The following ADISSP variants were observed in gnomAD, a reference collection of about 807,000 sequenced individuals.
ADISSP encodes the protein adipose secreted signaling protein, also known as adipose-secreted signaling protein.
the ADISSP span, among the ~76,000 whole-genome samples, chr20:3,764,591 C>T: frequency 6.6e-6 from 1 of 152,234 alleles, no homozygotes. Context: ...TTTGGAATCC[C>T]CTTTCTCATG....
chr20:3,761,321 C>T, the ADISSP span, among the ~76,000 whole-genome samples: 3 of 150,284 alleles, frequency 2.0e-5, no homozygotes, highest in Admixed American at 6.6e-5. Flanking sequence ...TGACAGAGGA[C>T]CTGGTATGGT....
chr20:3,766,148 C>T, the ADISSP span, among the ~76,000 whole-genome samples: 1 of 152,344 alleles, frequency 6.6e-6, no homozygotes, highest in South Asian at 2.1e-4. Flanking sequence ...TCAGTCCTGG[C>T]TCAAGCACTC....
At chr20:3,757,065 A>G in the ADISSP span, among the ~76,000 whole-genome samples, 6 of 138,320 alleles carry the variant, frequency 4.3e-5, no homozygotes, top group Non-Finnish European at 9.5e-5. Context: ...AAAAAGCTGG[A>G]ATAAGCCAGG....
chr20:3,753,686 G>A, the ADISSP span: 1 of 301,384 alleles, frequency 3.3e-6, no homozygotes, highest in Non-Finnish European at 6.4e-6. Flanking sequence ...CAGCAGTAAT[G>A]GGGCCACGAC....
At chr20:3,761,629 C>A in the ADISSP span, among the ~76,000 whole-genome samples, 1 of 152,180 alleles carries the variant, frequency 6.6e-6, no homozygotes, top group Non-Finnish European at 1.5e-5. Flanking sequence ...AGCCACCATG[C>A]CTGGCCGAGG....
chr20:3,760,892 C>A, the ADISSP span, among the ~76,000 whole-genome samples: 52 of 152,224 alleles, frequency 3.4e-4, 2 homozygotes, highest in African/African-American at 1.2e-3. Flanking sequence ...ACCATCTGAG[C>A]ATCAAAAAGA....
the ADISSP span, among the ~76,000 whole-genome samples, chr20:3,760,742 G>A: frequency 2.6e-5 from 4 of 152,300 alleles, no homozygotes; most frequent in South Asian, 8.3e-4. Flanking sequence ...GATGCCTGTG[G>A]AGGGGGTGTG....
the ADISSP span, among the ~76,000 whole-genome samples, chr20:3,761,664 C>G: frequency 4.7e-4 from 71 of 152,258 alleles, no homozygotes; most frequent in Middle Eastern, 3.4e-3. Flanking sequence ...AGGAATGGCA[C>G]AAGTTTGCAA....
the ADISSP span, among the ~76,000 whole-genome samples, chr20:3,763,314 G>A: frequency 6.7e-6 from 1 of 149,010 alleles, no homozygotes; most frequent in Admixed American, 6.7e-5. Context: ...TCACAGCACT[G>A]TGGGAGGCTG....
At chr20:3,756,682 G>C in the ADISSP span, among the ~76,000 whole-genome samples, 1 of 152,246 alleles carries the variant, frequency 6.6e-6, no homozygotes, top group Middle Eastern at 3.2e-3. Context: ...CTTTCTGGCT[G>C]TACCTGCTAA....
the ADISSP span, among the ~76,000 whole-genome samples, chr20:3,757,008 C>G: frequency 8.3e-6 from 1 of 120,862 alleles, no homozygotes; most frequent in African/African-American, 3.7e-5. Flanking sequence ...CTGGATCCAT[C>G]ACCATAGTGT....
At chr20:3,754,501 T>C in the ADISSP span, 8 of 1,613,944 alleles carry the variant, frequency 5.0e-6, no homozygotes, top group Non-Finnish European at 6.8e-6. Flanking sequence ...CGCCGAGTAC[T>C]CACACTTGAC....
At chr20:3,760,746 G>C in the ADISSP span, among the ~76,000 whole-genome samples, 1 of 152,174 alleles carries the variant, frequency 6.6e-6, no homozygotes, top group Non-Finnish European at 1.5e-5. Context: ...CCTGTGGAGG[G>C]GGTGTGCCCC....
the ADISSP span, among the ~76,000 whole-genome samples, chr20:3,757,631 T>C: frequency 2.0e-5 from 3 of 151,932 alleles, no homozygotes; most frequent in Non-Finnish European, 2.9e-5. Context: ...CCCCAGGTTC[T>C]TTTTTGTTTG....
At chr20:3,763,313 T>C in the ADISSP span, among the ~76,000 whole-genome samples, 1 of 144,220 alleles carries the variant, frequency 6.9e-6, no homozygotes, top group Non-Finnish European at 1.5e-5. Context: ...ATCACAGCAC[T>C]GTGGGAGGCT....
At chr20:3,763,835 G>A in the ADISSP span, among the ~76,000 whole-genome samples, 3 of 152,208 alleles carry the variant, frequency 2.0e-5, no homozygotes, top group African/African-American at 4.8e-5. Flanking sequence ...TCTGGGAGCA[G>A]ATGTGGCCTC....
chr20:3,753,947 C>T, the ADISSP span: 1 of 814,526 alleles, frequency 1.2e-6, no homozygotes, highest in Non-Finnish European at 2.0e-6. Flanking sequence ...GCCACTCCAC[C>T]CCCACACCCA....
At chr20:3,754,612 G>A in the ADISSP span, 1 of 1,332,252 alleles carries the variant, frequency 7.5e-7, no homozygotes. Context: ...CACCATGGGG[G>A]GACTGCATGC....
At chr20:3,753,850 A>G in the ADISSP span, 1 of 596,676 alleles carries the variant, frequency 1.7e-6, no homozygotes, top group Non-Finnish European at 3.0e-6. Flanking sequence ...AGACTGAGGC[A>G]CACAGAGAGG....
Sources: allele counts gnomAD v4.1 joint callset (sites outside exome capture counted in the v4.1 genomes callset), GRCh38; gene constraint gnomAD v4.1.1; transcripts MANE v1.5; gene names NCBI Gene and HGNC (gene_info 2026-07-23, HGNC 2026-07-21).